Variants in UNC13B observed in about 807,000 individuals in gnomAD.
UNC13B encodes the protein unc-13 homolog B.
Under a neutral mutation model 211.0 loss-of-function variants are expected in UNC13B, and 144 were observed. That is an observed-to-expected ratio of 0.68 (90% CI 0.60 to 0.78). UNC13B has a LOEUF of 0.78. Ranked by LOEUF, UNC13B falls within the 30% of genes least tolerant of loss-of-function variation. UNC13B has a pLI of 0.00. For missense variants in UNC13B, 1,777 were observed against 2,002.0 expected (o/e 0.89, Z 2.14); for synonymous variants, 709 against 725.8 (o/e 0.98, Z 0.37).
intron 1 of UNC13B, among the ~76,000 whole-genome samples, chr9:35,188,354 A>G (rs1200222606): frequency 6.6e-6 from 1 of 152,264 alleles, no homozygotes; most frequent in African/African-American, 2.4e-5. Flanking sequence ...TAAAAGCAAG[A>G]CTGACAAATA....
chr9:35,397,522 C>A, intron 29 of UNC13B, 113 bp from the exon 30 acceptor site: 2 of 1,328,168 alleles, frequency 1.5e-6, no homozygotes, highest in African/African-American at 1.5e-5. Context: ...GTGGGATTCC[C>A]CCTTTACCTC....
intron 7 of UNC13B, among the ~76,000 whole-genome samples, chr9:35,286,530 C>A (rs568626654): frequency 1.3e-5 from 2 of 151,976 alleles, no homozygotes; most frequent in Admixed American, 1.3e-4. Context: ...CCCTTTCCTT[C>A]AGGAAAGGGA....
intron 1 of UNC13B, among the ~76,000 whole-genome samples, chr9:35,216,559 ACATAG>A (rs957818080): frequency 6.6e-6 from 1 of 152,212 alleles, no homozygotes; most frequent in African/African-American, 2.4e-5. Flanking sequence ...GAAAGAGGAA[ACATAG>A]CAAGACAGAA....
At chr9:35,310,055 G>A (rs1425752502) in intron 9 of UNC13B, among the ~76,000 whole-genome samples, 8 of 152,176 alleles carry the variant, frequency 5.3e-5, no homozygotes, top group Non-Finnish European at 1.2e-4. Flanking sequence ...AAAGAGTGGA[G>A]TTCATTCATT....
At chr9:35,262,292 TTTTCTC>T (rs893843879) in intron 7 of UNC13B, among the ~76,000 whole-genome samples, 1 of 151,848 alleles carries the variant, frequency 6.6e-6, no homozygotes, top group Non-Finnish European at 1.5e-5. Flanking sequence ...TTTCTTTTCC[TTTTCTC>T]TTTTCACTTT....
At chr9:35,358,651 A>G (rs2132107753) in intron 11 of UNC13B, among the ~76,000 whole-genome samples, 1 of 130,172 alleles carries the variant, frequency 7.7e-6, no homozygotes, top group Admixed American at 7.4e-5. Context: ...TATTTTTTTT[A>G]TGAGTTTTAT....
At chr9:35,283,998 G>A (rs1277299980) in intron 7 of UNC13B, among the ~76,000 whole-genome samples, 2 of 152,142 alleles carry the variant, frequency 1.3e-5, no homozygotes, top group African/African-American at 2.4e-5. Flanking sequence ...GGTGTTTCAC[G>A]CCTGTAATCC....
intron 37 of UNC13B, 106 bp from the exon 38 acceptor site, chr9:35,403,061 T>C: frequency 1.2e-6 from 1 of 862,678 alleles, no homozygotes; most frequent in South Asian, 1.5e-5. Context: ...ATGGTTACTG[T>C]GGTGATTGCT....
intron 11 of UNC13B, among the ~76,000 whole-genome samples, chr9:35,322,137 T>C (rs62543216): frequency 0.18 from 27,812 of 152,230 alleles, 2,947 homozygotes; most frequent in Non-Finnish European, 0.24. Flanking sequence ...AGAGGTTATA[T>C]AGAGTCATCT....
chr9:35,290,404 G>A (rs569895069), intron 7 of UNC13B, among the ~76,000 whole-genome samples: 14 of 151,236 alleles, frequency 9.3e-5, no homozygotes, highest in South Asian at 6.3e-4. Context: ...TTGTCTCTGC[G>A]TTCACCAAAC....
At chr9:35,315,645 C>T (rs1282103121) in intron 11 of UNC13B, among the ~76,000 whole-genome samples, 1 of 152,182 alleles carries the variant, frequency 6.6e-6, no homozygotes, top group Non-Finnish European at 1.5e-5. Context: ...ACAACAATAA[C>T]AACACTATTA....
intron 7 of UNC13B, among the ~76,000 whole-genome samples, chr9:35,263,766 T>G (rs1017833487): frequency 3.3e-5 from 5 of 152,128 alleles, no homozygotes; most frequent in African/African-American, 1.2e-4. Flanking sequence ...GGTCATAATC[T>G]GATAGGGCTG....
chr9:35,208,786 A>T (rs1256220485), intron 1 of UNC13B, among the ~76,000 whole-genome samples: 1 of 152,118 alleles, frequency 6.6e-6, no homozygotes, highest in East Asian at 1.9e-4. Flanking sequence ...AACACTGGGG[A>T]TTGCAATTCA....
chr9:35,228,024 C>T lies in UNC13B; in HGVS notation c.32C>T (p.Ala11Val). Residue 11 changes from alanine (A) to valine (V), a missense_variant, in exon 2 of 40, where the codon GCC becomes GTC. Physicochemically the swap from Ala to Val is moderately conservative, Grantham distance 64. Coordinates refer to ENST00000635942, the MANE Select transcript of UNC13B (RefSeq NM_001371189.2). MSLLCVRVKR[A>V]KFQGSPDKFN... ...CTTTTTTCTCTTGCAGTTAAAAGGG[C>T]CAAATTCCAGGGTTCACCAGGTAAG... is the stretch of plus-strand genomic sequence containing the variant. 1 of 1,612,062 alleles carries T rather than the reference C, an allele frequency of 6.2e-7. No individual in the cohort carries two copies. Among genetic ancestry groups the T allele is most frequent in the South Asian group, 1.1e-5 (1 of 90,586 alleles).
chr9:35,388,959 A>G (rs1332376130), intron 24 of UNC13B, among the ~76,000 whole-genome samples: 1 of 152,162 alleles, frequency 6.6e-6, no homozygotes, highest in Non-Finnish European at 1.5e-5. Flanking sequence ...TAAAAGGAAG[A>G]GATGTATTTA....
intron 18 of UNC13B, 48 bp from the exon 19 acceptor site, chr9:35,381,052 G>A: frequency 6.5e-7 from 1 of 1,549,188 alleles, no homozygotes; most frequent in South Asian, 1.2e-5. Context: ...AACTATCTAT[G>A]CTGTCTAGTT....
intron 11 of UNC13B, chr9:35,351,580 C>G (rs1832722256): frequency 1.6e-6 from 2 of 1,232,250 alleles, no homozygotes; most frequent in Non-Finnish European, 2.0e-6. Flanking sequence ...CCTTGGGACC[C>G]TCCTCCAGGC....
At chr9:35,365,744 C>T (rs928170466) in intron 11 of UNC13B, among the ~76,000 whole-genome samples, 11 of 152,108 alleles carry the variant, frequency 7.2e-5, no homozygotes, top group Non-Finnish European at 1.5e-4. Context: ...TTGGACCTGG[C>T]CCTCCCATTA....
intron 37 of UNC13B, chr9:35,401,992 A>C: frequency 6.4e-7 from 1 of 1,550,740 alleles, no homozygotes; most frequent in Non-Finnish European, 8.7e-7. Flanking sequence ...TAATGAGGAC[A>C]TTCGTCCGGA....
Sources: allele counts gnomAD v4.1 joint callset (sites outside exome capture counted in the v4.1 genomes callset), GRCh38; gene constraint gnomAD v4.1.1; transcripts MANE v1.5; gene names NCBI Gene and HGNC (gene_info 2026-07-23, HGNC 2026-07-21).